SLC4A10: variants seen among roughly 807,000 people sequenced by gnomAD.
The protein encoded by SLC4A10 is solute carrier family 4 member 10, also known as sodium-driven chloride bicarbonate exchanger.
A neutral mutation model predicts 137.7 loss-of-function variants in SLC4A10; 42 were observed. The ratio of observed to expected loss-of-function variants is 0.30; its 90% CI spans 0.24 to 0.39. SLC4A10 has a LOEUF of 0.39. SLC4A10 is among the 10% of genes least tolerant of loss of function. The probability of loss-of-function intolerance (pLI) is 1.00; values close to 1 mark genes in which losing one functional copy is unlikely to be tolerated. For missense variants in SLC4A10, 925 were observed against 1,355.0 expected, an observed-to-expected ratio of 0.68 and a Z score of 4.98; for synonymous variants, 474 against 464.1, an observed-to-expected ratio of 1.02 and a Z score of -0.27.
intron 1 of SLC4A10, among the ~76,000 whole-genome samples, chr2:161,646,233 AG>A (rs990997187): frequency 1.3e-5 from 2 of 152,034 alleles, no homozygotes; most frequent in Non-Finnish European, 2.9e-5. Context: ...ATAAAAGCAA[AG>A]TAGTTTTTAT....
At chr2:161,980,540 T>G (rs1700076080) in intron 26 of SLC4A10, among the ~76,000 whole-genome samples, 2 of 152,076 alleles carry the variant, frequency 1.3e-5, no homozygotes. Context: ...TCCCAGCTAC[T>G]CAGGAGGCTG....
intron 15 of SLC4A10, among the ~76,000 whole-genome samples, chr2:161,920,678 A>G (rs1420543695): frequency 1.3e-5 from 2 of 152,180 alleles, no homozygotes; most frequent in Non-Finnish European, 2.9e-5. Context: ...AATCTGGGGG[A>G]GGTGGTGCTC....
chr2:161,875,868 G>T (rs1246070626), intron 8 of SLC4A10, among the ~76,000 whole-genome samples: 3 of 152,192 alleles, frequency 2.0e-5, no homozygotes, highest in Non-Finnish European at 4.4e-5. Flanking sequence ...TGGCGAGTTA[G>T]TGTCAAGACA....
intron 1 of SLC4A10, among the ~76,000 whole-genome samples, chr2:161,659,001 T>G (rs181325287): frequency 2.6e-4 from 39 of 152,260 alleles, no homozygotes; most frequent in African/African-American, 8.9e-4. Flanking sequence ...TGGAGATTTC[T>G]CAAAGAATTA....
intron 3 of SLC4A10, among the ~76,000 whole-genome samples, chr2:161,834,660 T>TACACACACACAC (rs72327926): frequency 3.0e-4 from 42 of 141,016 alleles, no homozygotes; most frequent in African/African-American, 1.0e-3. Context: ...CTTTATCGCC[T>TACACACACACAC]ACACACACAC....
chr2:161,957,684 G>GT (rs1419253014), intron 20 of SLC4A10, among the ~76,000 whole-genome samples: 2 of 152,140 alleles, frequency 1.3e-5, no homozygotes, highest in African/African-American at 4.8e-5. Context: ...CACATACGCA[G>GT]TTTTCCATTT....
rs1559225557 is a variant in SLC4A10, at chr2:161,776,978, T to G, written c.130+5924T>G. Among the ~76,000 whole-genome samples the G allele has an allele frequency of 5.9e-5, 9 of 151,702 alleles. No individual in the cohort carries two copies. In the South Asian group the frequency reaches 1.9e-3, roughly 31 times the overall value. ...CCTAATACTGATGTTTAACATCTTT[T>G]CATGTACTTGTTGCTCACTTGCATA... On this transcript the variant is annotated intron_variant, in intron 2 of 26. Coordinates refer to ENST00000446997, the MANE Select transcript of SLC4A10 (RefSeq NM_001178015.2).
intron 1 of SLC4A10, among the ~76,000 whole-genome samples, chr2:161,661,946 A>G (rs1394633046): frequency 6.6e-6 from 1 of 152,182 alleles, no homozygotes; most frequent in Non-Finnish European, 1.5e-5. Flanking sequence ...ATGGGACCTC[A>G]TACCTTGTAC....
chr2:161,952,740 A>G (rs898566101), intron 19 of SLC4A10, among the ~76,000 whole-genome samples: 3 of 152,168 alleles, frequency 2.0e-5, no homozygotes, highest in Admixed American at 1.3e-4. Flanking sequence ...TCCAGTGAAG[A>G]TGTATTTCAT....
At chr2:161,770,675 A>C (rs2051478219) in intron 1 of SLC4A10, among the ~76,000 whole-genome samples, 1 of 151,942 alleles carries the variant, frequency 6.6e-6, no homozygotes, top group Non-Finnish European at 1.5e-5. Context: ...CATTTTACTA[A>C]ATTGATAGAA....
At chr2:161,965,226 T>C in intron 23 of SLC4A10, 53 bp downstream of exon 23, 1 of 1,523,064 alleles carries the variant, frequency 6.6e-7, no homozygotes, top group Non-Finnish European at 8.9e-7. Context: ...CATAGTAATA[T>C]TTCTTTGCAA....
chr2:161,961,269 C>A (rs1696661232), intron 21 of SLC4A10, among the ~76,000 whole-genome samples: 1 of 152,146 alleles, frequency 6.6e-6, no homozygotes, highest in Non-Finnish European at 1.5e-5. Context: ...TAAGACAATA[C>A]TGGCTGCCAG....
At chr2:161,666,212 T>C (rs1287646624) in intron 1 of SLC4A10, among the ~76,000 whole-genome samples, 1 of 151,614 alleles carries the variant, frequency 6.6e-6, no homozygotes, top group Non-Finnish European at 1.5e-5. Flanking sequence ...TGAACGGTTT[T>C]TGATAATATC....
chr2:161,647,745 T>C (rs1283441053), intron 1 of SLC4A10, among the ~76,000 whole-genome samples: 3 of 152,188 alleles, frequency 2.0e-5, no homozygotes, highest in Non-Finnish European at 2.9e-5. Flanking sequence ...CCCTGTAGCT[T>C]CAGTTTCCTT....
intron 1 of SLC4A10, among the ~76,000 whole-genome samples, chr2:161,701,816 A>G (rs1045165146): frequency 1.3e-4 from 20 of 151,742 alleles, no homozygotes; most frequent in Non-Finnish European, 7.4e-5. Flanking sequence ...TATGAATGTG[A>G]AATCATCAGA....
intron 8 of SLC4A10, among the ~76,000 whole-genome samples, chr2:161,876,188 G>A (rs2125940811): frequency 6.6e-6 from 1 of 152,166 alleles, no homozygotes; most frequent in African/African-American, 2.4e-5. Context: ...AGTATAGCTC[G>A]ATTTCTTCAA....
chr2:161,922,465 A>G (rs1027027584), intron 15 of SLC4A10, among the ~76,000 whole-genome samples: 1 of 152,164 alleles, frequency 6.6e-6, no homozygotes, highest in African/African-American at 2.4e-5. Context: ...TCATCTTAAT[A>G]GTAACAATTT....
intron 2 of SLC4A10, among the ~76,000 whole-genome samples, chr2:161,772,854 T>A (rs1230896371): frequency 6.6e-6 from 1 of 151,876 alleles, no homozygotes; most frequent in African/African-American, 2.4e-5. Context: ...TTGTGATGCA[T>A]GCAAAAATTT....
At chr2:161,960,274 G>T (rs1451360721) in intron 21 of SLC4A10, among the ~76,000 whole-genome samples, 3 of 146,956 alleles carry the variant, frequency 2.0e-5, no homozygotes, top group Non-Finnish European at 4.5e-5. Flanking sequence ...TGAGGCAGGA[G>T]AATTGCTTGA....
Sources: gnomAD v4.1 joint callset for allele counts (sites outside exome capture counted in the v4.1 genomes callset) on GRCh38, gnomAD v4.1.1 for gene constraint, MANE v1.5 for transcripts, NCBI Gene and HGNC (gene_info 2026-07-23, HGNC 2026-07-21) for gene names.